The following ZMYM1 variants were observed in gnomAD, a reference collection of about 807,000 sequenced individuals.
ZMYM1 encodes zinc finger MYM-type protein 1.
Under a neutral mutation model 60.0 loss-of-function variants are expected in ZMYM1, and 39 were observed. The ratio of observed to expected loss-of-function variants is 0.65; its 90% CI spans 0.50 to 0.85. ZMYM1 has a LOEUF of 0.85. Among genes scored for constraint, ZMYM1 ranks in the 40% least tolerant of loss-of-function variants. The pLI is 0.00. For synonymous variants in ZMYM1, 413 were observed against 454.0 expected, an observed-to-expected ratio of 0.91 and a Z score of 1.15; for missense variants, 1,171 against 1,309.5, an observed-to-expected ratio of 0.89 and a Z score of 1.63.
rs1054104398 is a variant in ZMYM1 at position 35,113,987 on chromosome 1, C to T, written c.2157C>T (p.Thr719=). Reference sequence around the variant, plus strand: ...TACATGGCCAGGCCTATGATAGCACCACTAATTTGAAGATAAAATTTAATA... The same window carrying T: ...TACATGGCCAGGCCTATGATAGCACTACTAATTTGAAGATAAAATTTAATA... The part of the protein sequence containing the change: ...DKIHGQAYDS[T]TNLKIKFNKI... Residue 719 remains threonine, a synonymous_variant, in exon 10 of 10, where the codon ACC becomes ACT. Coordinates refer to ENST00000359858, the MANE Select transcript of ZMYM1 (RefSeq NM_024772.5). 6.2e-7 allele frequency: 1 copy of T among 1,608,554 alleles called. No individual in the cohort carries two copies. The highest frequency in any genetic ancestry group is 1.7e-5 in the Admixed American group (1 of 58,754).
intron 1 of ZMYM1, among the ~76,000 whole-genome samples, chr1:35,080,948 A>AT (rs5773495): frequency 1.3e-5 from 2 of 150,048 alleles, no homozygotes; most frequent in African/African-American, 2.5e-5. Flanking sequence ...GAATAAAATA[A>AT]TTTTTTTTTT....
rs377030166 is a variant in ZMYM1 at position 35,113,264 on chromosome 1, T to C, written c.1434T>C (p.Tyr478=). The part of the protein sequence containing the change: ...ENSKKDVAFC[Y]SCQLFCQKYF... Reference sequence around the variant, plus strand: ...GTAAAAAAGATGTGGCATTCTGTTATTCATGCCAGTTGTTCTGCCAAAAAT... The same window carrying C: ...GTAAAAAAGATGTGGCATTCTGTTACTCATGCCAGTTGTTCTGCCAAAAAT... The change falls in exon 10 of 10, where the codon TAT becomes TAC. Residue 478 remains tyrosine (Y), a synonymous_variant. Transcript: ENST00000359858. 1.9e-6 allele frequency: 3 copies of C among 1,612,996 alleles called. No individual in the cohort carries two copies. Among genetic ancestry groups the C allele is most frequent in the African/African-American group, 2.7e-5 (2 of 74,942 alleles).
At chr1:35,064,117 A>T (rs1194901663) in intron 1 of ZMYM1, among the ~76,000 whole-genome samples, 1 of 152,090 alleles carries the variant, frequency 6.6e-6, no homozygotes, top group African/African-American at 2.4e-5. Flanking sequence ...CGAGGTCAGG[A>T]GTTCAAGACC....
At chr1:35,096,325 A>G (rs1266298986) in intron 3 of ZMYM1, among the ~76,000 whole-genome samples, 1 of 146,342 alleles carries the variant, frequency 6.8e-6, no homozygotes, top group East Asian at 2.0e-4. Flanking sequence ...AAAAAAAAAA[A>G]GAGAAGAAAA....
chr1:35,097,728 T>A (rs917490032), intron 4 of ZMYM1, 162 bp downstream of exon 4: 36 of 779,972 alleles, frequency 4.6e-5, no homozygotes, highest in Admixed American at 1.3e-4. Flanking sequence ...CACTGCAACT[T>A]CCACCTCCTG....
At chr1:35,112,894 CTATGT>C (rs1644143691) in intron 9 of ZMYM1, 78 bp from the exon 10 acceptor site, 1 of 1,223,724 alleles carries the variant, frequency 8.2e-7, no homozygotes, top group Non-Finnish European at 1.1e-6. Flanking sequence ...ATTTATTTTA[CTATGT>C]TATTAGAGTA....
At chr1:35,110,074 A>G (rs1644034627) in intron 6 of ZMYM1, among the ~76,000 whole-genome samples, 1 of 152,104 alleles carries the variant, frequency 6.6e-6, no homozygotes, top group Admixed American at 6.6e-5. Context: ...TATTATTATT[A>G]TTGCTGTTAA....
Position 35,114,835 on chromosome 1 carries a change from A to G in ZMYM1, c.3005A>G (p.Asn1002Ser). The part of the protein sequence containing the change: ...KQISELLFKW[N>S]EPLNETTAKH... ...ATTTCAGAACTGTTATTTAAATGGA[A>G]TGAACCATTAAATGAAACAACAGCA... The change falls in exon 10 of 10, where the codon AAT becomes AGT. Residue 1002 changes from asparagine (N) to serine (S), a missense_variant. Physicochemically the swap from Asn to Ser is conservative, Grantham distance 46 (BLOSUM62 1). Transcript: ENST00000359858. The G allele has an allele frequency of 6.2e-7, 1 of 1,606,658 alleles. No individual in the cohort carries two copies. The highest frequency in any genetic ancestry group is 1.1e-5 in the South Asian group (1 of 89,262).
intron 1 of ZMYM1, 90 bp downstream of exon 1, chr1:35,079,532 A>G (rs890602251): frequency 2.6e-5 from 4 of 152,234 alleles, no homozygotes; most frequent in Admixed American, 2.6e-4. Context: ...CGGAGGGAGG[A>G]TGACGCGCCG....
intron 6 of ZMYM1, among the ~76,000 whole-genome samples, chr1:35,108,438 G>A (rs1465607536): frequency 2.0e-5 from 3 of 151,814 alleles, no homozygotes; most frequent in Non-Finnish European, 4.4e-5. Context: ...TGCAACCTCC[G>A]CCTCCCAGGT....
intron 1 of ZMYM1, among the ~76,000 whole-genome samples, chr1:35,067,268 C>T (rs1641987860): frequency 6.6e-6 from 1 of 151,896 alleles, no homozygotes; most frequent in East Asian, 1.9e-4. Context: ...CATGAGCCAC[C>T]GTGCTCAGCC....
upstream of ZMYM1, among the ~76,000 whole-genome samples, chr1:35,077,716 CA>C (rs1307229787): frequency 6.6e-6 from 1 of 152,178 alleles, no homozygotes; most frequent in African/African-American, 2.4e-5. Context: ...CCTACCTAAC[CA>C]ATCAGCGCTT....
intron 1 of ZMYM1, among the ~76,000 whole-genome samples, chr1:35,069,541 T>C (rs1642032992): frequency 6.6e-6 from 1 of 152,200 alleles, no homozygotes; most frequent in African/African-American, 2.4e-5. Context: ...TAGATTGTCT[T>C]TCTTCACTCT....
chr1:35,081,617 C>T (rs929182141), intron 1 of ZMYM1, among the ~76,000 whole-genome samples: 1 of 151,992 alleles, frequency 6.6e-6, no homozygotes, highest in Non-Finnish European at 1.5e-5. Flanking sequence ...TAGATTTATT[C>T]CTATATTTGA....
rs1334884792 is a variant in ZMYM1 at position 35,093,925 on chromosome 1, CTG to C, written c.-61_-60del. 1 of 1,159,450 alleles carries C rather than the reference CTG, an allele frequency of 8.6e-7. No homozygotes were observed. The highest frequency in any genetic ancestry group is 2.6e-5 in the East Asian group (1 of 38,902). The allele number at this position is 1,159,450 out of a possible 1,614,324, so 71.8% of individuals were successfully genotyped here. ...ATATTTTATTTTAGGAATCTGGAAA[CTG>C]TTCTTCAGGAAGAAACCCATTAGTT... is the stretch of plus-strand genomic sequence containing the variant. On this transcript the variant is annotated 5_prime_UTR_variant, in exon 2 of 10. Coordinates refer to ENST00000359858, the MANE Select transcript of ZMYM1 (RefSeq NM_024772.5).
chr1:35,086,038 A>G (rs937798151), intron 1 of ZMYM1, among the ~76,000 whole-genome samples: 1 of 152,226 alleles, frequency 6.6e-6, no homozygotes, highest in Non-Finnish European at 1.5e-5. Flanking sequence ...AAAGTAAGCA[A>G]ATTTTCAATG....
At chr1:35,075,231 C>T (rs11808049), upstream of ZMYM1, among the ~76,000 whole-genome samples, 688 of 152,244 alleles carry the variant, frequency 4.5e-3, 6 homozygotes, top group African/African-American at 0.016. Context: ...TTTCTGTTTG[C>T]ATAGAAAATC....
At chr1:35,107,002 C>T (rs1007724069) in intron 6 of ZMYM1, among the ~76,000 whole-genome samples, 3 of 151,752 alleles carry the variant, frequency 2.0e-5, no homozygotes, top group African/African-American at 7.3e-5. Flanking sequence ...CAGGTGCCCA[C>T]CACCACGTCT....
At chr1:35,106,016 G>A (rs1340123664) in intron 6 of ZMYM1, among the ~76,000 whole-genome samples, 1 of 152,130 alleles carries the variant, frequency 6.6e-6, no homozygotes, top group Non-Finnish European at 1.5e-5. Context: ...AGCACTTTGG[G>A]AGACCAAGGC....
Sources: gnomAD v4.1 joint callset for allele counts (sites outside exome capture counted in the v4.1 genomes callset) on GRCh38, gnomAD v4.1.1 for gene constraint, MANE v1.5 for transcripts, NCBI Gene and HGNC (gene_info 2026-07-23, HGNC 2026-07-21) for gene names.